Variants in SIAH3 observed in about 807,000 individuals in gnomAD.
SIAH3 encodes the protein seven in absentia homolog 3.
In SIAH3, 9 loss-of-function variants were observed where a neutral mutation model predicts 12.6. That is an observed-to-expected ratio of 0.72 (90% CI 0.43 to 1.25). The LOEUF is 1.25. Ranked by LOEUF, SIAH3 falls within the 50% of genes most tolerant of loss-of-function variation. The pLI is 0.00. For missense variants in SIAH3, 390 were observed against 365.4 expected, an observed-to-expected ratio of 1.07 and a Z score of -0.55; for synonymous variants, 154 against 151.1, an observed-to-expected ratio of 1.02 and a Z score of -0.14.
At chr13:45,784,200 CA>C (rs1950517777) in intron 1 of SIAH3, 143 bp from the exon 2 acceptor site, 5 of 813,516 alleles carry the variant, frequency 6.1e-6, no homozygotes, top group South Asian at 1.9e-5. Context: ...AACAAACAAA[CA>C]AACAAACAAA....
rs1273023744 is a variant in SIAH3, at chr13:45,851,703, G to A, written c.-74C>T. ...TGAGTCCTTGGGCCCTGGAAGGAGC[G>A]CAGCCTCTGAGACACTCCGCTCCAG... On this transcript the variant is annotated 5_prime_UTR_variant, in exon 1 of 2. Coordinates refer to ENST00000400405, the MANE Select transcript of SIAH3 (RefSeq NM_198849.3). 1.3e-5 allele frequency: 21 copies of A among 1,595,796 alleles called. 1 individual carries two copies. The highest frequency in any genetic ancestry group is 1.7e-5 in the Non-Finnish European group (20 of 1,166,988).
chr13:45,833,530 G>T (rs1186692056), intron 1 of SIAH3, among the ~76,000 whole-genome samples: 1 of 152,048 alleles, frequency 6.6e-6, no homozygotes, highest in East Asian at 1.9e-4. Context: ...TTAGAACAAG[G>T]CAGGGCTAAG....
At chr13:45,817,428 A>G (rs1382028200) in intron 1 of SIAH3, among the ~76,000 whole-genome samples, 1 of 152,232 alleles carries the variant, frequency 6.6e-6, no homozygotes, top group Non-Finnish European at 1.5e-5. Context: ...TGCATTTCTC[A>G]GAATGTATTT....
intron 1 of SIAH3, among the ~76,000 whole-genome samples, chr13:45,832,689 T>G (rs1201536594): frequency 6.6e-6 from 1 of 152,250 alleles, no homozygotes; most frequent in Non-Finnish European, 1.5e-5. Flanking sequence ...GTATATGCCC[T>G]GAAGTATGAT....
intron 1 of SIAH3, among the ~76,000 whole-genome samples, chr13:45,843,147 G>T (rs1317265375): frequency 6.6e-6 from 1 of 151,852 alleles, no homozygotes; most frequent in African/African-American, 2.4e-5. Context: ...GGATCTAGGA[G>T]TTCTGTCTTG....
intron 1 of SIAH3, among the ~76,000 whole-genome samples, chr13:45,835,735 C>T (rs76368152): frequency 6.6e-6 from 1 of 152,200 alleles, no homozygotes; most frequent in Admixed American, 6.5e-5. Context: ...CGGACCCAGT[C>T]TGGCTCAGAA....
At chr13:45,801,143 C>T (rs763002726) in intron 1 of SIAH3, among the ~76,000 whole-genome samples, 25 of 151,582 alleles carry the variant, frequency 1.6e-4, no homozygotes, top group South Asian at 4.2e-4. Flanking sequence ...TCCGGGAGTT[C>T]GCCAGCGCCT....
chr13:45,830,711 T>C (rs1950695701), intron 1 of SIAH3, among the ~76,000 whole-genome samples: 1 of 152,170 alleles, frequency 6.6e-6, no homozygotes, highest in Admixed American at 6.5e-5. Flanking sequence ...TCAAGTCTAG[T>C]GGGAGAACCC....
chr13:45,844,860 G>A (rs1950753168), intron 1 of SIAH3, among the ~76,000 whole-genome samples: 1 of 152,174 alleles, frequency 6.6e-6, no homozygotes, highest in Non-Finnish European at 1.5e-5. Context: ...AATTATACTG[G>A]TGCTGTGTTA....
chr13:45,825,659 G>T (rs1421233521), intron 1 of SIAH3, among the ~76,000 whole-genome samples: 1 of 152,236 alleles, frequency 6.6e-6, no homozygotes, highest in Non-Finnish European at 1.5e-5. Context: ...ACAACTTGGT[G>T]AGCAAGAAGT....
rs557455945 is a variant in SIAH3 at position 45,828,633 on chromosome 13, T to C, written c.135+22862A>G. Among the ~76,000 whole-genome samples the C allele has an allele frequency of 5.3e-5, 8 of 152,358 alleles. No individual in the cohort carries two copies. The East Asian group carries it at 1.3e-3, about 26-fold the overall frequency. ...GCTGAGCTTCCATGTGGAATTAGAT[T>C]AGAGCCAGGACATTTCCATAAGGAA... On this transcript the variant is annotated intron_variant, in intron 1 of 1. Transcript: ENST00000400405.
intron 1 of SIAH3, among the ~76,000 whole-genome samples, chr13:45,823,268 G>A (rs531713152): frequency 2.0e-5 from 3 of 152,224 alleles, no homozygotes; most frequent in East Asian, 1.9e-4. Context: ...TGACTTAATC[G>A]GTCTGGGGTG....
At position 45,780,734 on chromosome 13, in the gene SIAH3, C is replaced by T. The variant is rs1950500804; in HGVS notation, c.*2649G>A. ...TCGGATCAGTCTTACTTCAAGAACA[C>T]CAAGTTTGCAGTCAGTTGATCTGGG... On this transcript the variant is annotated 3_prime_UTR_variant, in exon 2 of 2. Coordinates refer to ENST00000400405, the MANE Select transcript of SIAH3 (RefSeq NM_198849.3). 6.6e-6 allele frequency: 1 copy of T among 152,210 alleles called. No individual in the cohort carries two copies. 9.4% of individuals were successfully genotyped at this position (152,210 alleles called of 1,614,324 possible).
rs1950497697 is a variant in SIAH3, at chr13:45,779,980, G to A, written c.*3403C>T. 6.6e-6 allele frequency: 1 copy of A among 152,188 alleles called. No individual in the cohort carries two copies. The highest frequency in any genetic ancestry group is 2.4e-5 in the African/African-American group (1 of 41,436). 9.4% of individuals were successfully genotyped at this position (152,188 alleles called of 1,614,324 possible). A position where few individuals can be genotyped will look rare whatever the true frequency, so the allele number is the denominator to read the frequency against. On this transcript the variant is annotated 3_prime_UTR_variant, in exon 2 of 2. Transcript: ENST00000400405. ...TCCACACCTCCTGAAAAAAACCTCT[G>A]GCAGATGCCTGAAGTTCAGATACTG... is the stretch of plus-strand genomic sequence containing the variant.
intron 1 of SIAH3, among the ~76,000 whole-genome samples, chr13:45,840,754 A>G (rs143504581): frequency 2.6e-4 from 40 of 152,336 alleles, no homozygotes; most frequent in Non-Finnish European, 5.3e-4. Flanking sequence ...AATATACTCA[A>G]TATTAATCCT....
chr13:45,819,365 C>A (rs928772576), intron 1 of SIAH3, among the ~76,000 whole-genome samples: 27 of 152,128 alleles, frequency 1.8e-4, no homozygotes, highest in Admixed American at 4.6e-4. Flanking sequence ...ACAGTGTGCA[C>A]CCATTCACAG....
intron 1 of SIAH3, among the ~76,000 whole-genome samples, chr13:45,796,477 C>T (rs1376622279): frequency 6.6e-6 from 1 of 152,138 alleles, no homozygotes; most frequent in Non-Finnish European, 1.5e-5. Context: ...GGATGAGAGT[C>T]AGATCAGGGA....
intron 1 of SIAH3, among the ~76,000 whole-genome samples, chr13:45,848,370 T>C (rs985728473): frequency 1.3e-5 from 2 of 152,324 alleles, no homozygotes; most frequent in Admixed American, 6.5e-5. Context: ...AGGTCTCTTA[T>C]GTTCAAGGCT....
At chr13:45,836,662 T>C (rs949086753) in intron 1 of SIAH3, among the ~76,000 whole-genome samples, 9 of 152,144 alleles carry the variant, frequency 5.9e-5, no homozygotes, top group African/African-American at 1.7e-4. Flanking sequence ...GAACAGCTAA[T>C]GGATGCTGAG....
Sources: gnomAD v4.1 joint callset for allele counts (sites outside exome capture counted in the v4.1 genomes callset) on GRCh38, gnomAD v4.1.1 for gene constraint, MANE v1.5 for transcripts, NCBI Gene and HGNC (gene_info 2026-07-23, HGNC 2026-07-21) for gene names.